Variants in CDH13 observed in about 807,000 individuals in gnomAD.
CDH13 encodes cadherin 13, also known as cadherin-13.
A neutral mutation model predicts 63.8 loss-of-function variants in CDH13; 24 were observed. That is an observed-to-expected ratio of 0.38 (90% CI 0.27 to 0.53). The LOEUF is 0.53. Among genes scored for constraint, CDH13 ranks in the 20% least tolerant of loss-of-function variants. The pLI, the probability that CDH13 is intolerant of heterozygous loss-of-function variation, is 0.85. For missense variants in CDH13, 1,049 were observed against 903.1 expected (o/e 1.16, Z -2.07); for synonymous variants, 503 against 355.3 (o/e 1.42, Z -4.67).
chr16:82,979,744 C>T (rs942638833), intron 2 of CDH13, among the ~76,000 whole-genome samples: 1 of 152,138 alleles, frequency 6.6e-6, no homozygotes, highest in South Asian at 2.1e-4. Context: ...AATGCACAGA[C>T]CAACAAGGAG....
intron 6 of CDH13, among the ~76,000 whole-genome samples, chr16:83,415,157 A>G (rs573011520): frequency 6.6e-6 from 1 of 152,086 alleles, no homozygotes; most frequent in African/African-American, 2.4e-5. Flanking sequence ...AAAAAAATGA[A>G]AAAAAAACCT....
At chr16:83,080,871 G>GGTTTTTTTTTTTTTTTTT (rs2033183201) in intron 3 of CDH13, among the ~76,000 whole-genome samples, 1 of 46,956 alleles carries the variant, frequency 2.1e-5, no homozygotes, top group African/African-American at 9.2e-5. Flanking sequence ...TTGTTTTTGT[G>GGTTTTTTTTTTTTTTTTT]TTTTTTTTTT....
chr16:82,688,047 C>T (rs1915260934), intron 1 of CDH13, among the ~76,000 whole-genome samples: 2 of 152,158 alleles, frequency 1.3e-5, no homozygotes, highest in Admixed American at 1.3e-4. Flanking sequence ...AGCAATGGTT[C>T]AAGTGCAGAA....
rs550127168 is a variant in CDH13 at position 82,632,243 on chromosome 16, A to G, written c.45+5106A>G. Among the ~76,000 whole-genome samples, 32 of 152,094 alleles carry G rather than the reference A, an allele frequency of 2.1e-4. No individual in the cohort carries two copies. In the South Asian group the frequency reaches 6.4e-3, roughly 31 times the overall value. On this transcript the variant is annotated intron_variant, in intron 1 of 13. Coordinates refer to ENST00000567109, the MANE Select transcript of CDH13 (RefSeq NM_001257.5). ...GCCTGCTTGCCCCTAGGGCTTTTTG[A>G]GTTTGGGACCTCTGCTTTCACAAAT...
chr16:83,144,722 G>C (rs572703984), intron 4 of CDH13, among the ~76,000 whole-genome samples: 1 of 152,294 alleles, frequency 6.6e-6, no homozygotes, highest in South Asian at 2.1e-4. Flanking sequence ...AATCACATAA[G>C]AGTCCAACTG....
At chr16:83,450,479 C>G (rs765448202) in intron 6 of CDH13, among the ~76,000 whole-genome samples, 1 of 152,152 alleles carries the variant, frequency 6.6e-6, no homozygotes, top group Non-Finnish European at 1.5e-5. Context: ...TGATTCATTA[C>G]CAGGATTTTG....
intron 6 of CDH13, among the ~76,000 whole-genome samples, chr16:83,451,046 C>T (rs139585146): frequency 1.1e-3 from 165 of 152,246 alleles, no homozygotes; most frequent in African/African-American, 3.5e-3. Flanking sequence ...TTTTAATAAG[C>T]GCCCCCAGTG....
chr16:83,445,146 A>G (rs1185716823), intron 6 of CDH13, among the ~76,000 whole-genome samples: 1 of 151,930 alleles, frequency 6.6e-6, no homozygotes, highest in Non-Finnish European at 1.5e-5. Flanking sequence ...CATGCCAGCT[A>G]CTACTCTCTC....
At chr16:83,299,217 C>G (rs951547146) in intron 5 of CDH13, among the ~76,000 whole-genome samples, 1 of 151,368 alleles carries the variant, frequency 6.6e-6, no homozygotes, top group Admixed American at 6.6e-5. Context: ...GGAGAAGATA[C>G]CACAGTGTGG....
At chr16:83,700,157 G>A (rs1469065463) in intron 10 of CDH13, among the ~76,000 whole-genome samples, 1 of 152,138 alleles carries the variant, frequency 6.6e-6, no homozygotes, top group Non-Finnish European at 1.5e-5. Context: ...ATTTTGTAGA[G>A]CTTCATATAA....
chr16:83,050,795 C>T (rs1305542245), intron 3 of CDH13, among the ~76,000 whole-genome samples: 1 of 152,000 alleles, frequency 6.6e-6, no homozygotes, highest in African/African-American at 2.4e-5. Flanking sequence ...AACACCTGTA[C>T]CTCATTACCT....
chr16:82,793,874 A>G (rs1252197554), intron 1 of CDH13, among the ~76,000 whole-genome samples: 1 of 152,206 alleles, frequency 6.6e-6, no homozygotes, highest in East Asian at 1.9e-4. Context: ...CCTTGCAGTT[A>G]GAAAAATATG....
intron 1 of CDH13, among the ~76,000 whole-genome samples, chr16:82,738,131 T>C (rs2033768471): frequency 6.6e-6 from 1 of 152,240 alleles, no homozygotes; most frequent in Non-Finnish European, 1.5e-5. Context: ...CATGACAGTC[T>C]GTCCTCTGAG....
chr16:82,655,115 A>G (rs942561064), intron 1 of CDH13, among the ~76,000 whole-genome samples: 20 of 152,336 alleles, frequency 1.3e-4, no homozygotes, highest in African/African-American at 4.6e-4. Context: ...TCATCTGTTC[A>G]TACATTCATT....
intron 5 of CDH13, among the ~76,000 whole-genome samples, chr16:83,229,805 A>T (rs1454796102): frequency 6.6e-6 from 1 of 152,182 alleles, no homozygotes; most frequent in Non-Finnish European, 1.5e-5. Context: ...TTAACTCAGG[A>T]ATCCTCGTTC....
intron 6 of CDH13, among the ~76,000 whole-genome samples, chr16:83,478,066 A>C (rs2073653617): frequency 6.6e-6 from 1 of 151,812 alleles, no homozygotes; most frequent in African/African-American, 2.4e-5. Flanking sequence ...TGCTTGAGGC[A>C]GAAGAATGGC....
intron 5 of CDH13, among the ~76,000 whole-genome samples, chr16:83,287,749 C>G (rs2089356269): frequency 6.6e-6 from 1 of 152,012 alleles, no homozygotes; most frequent in African/African-American, 2.4e-5. Context: ...TGAATCATCC[C>G]CAAGTCATCC....
At chr16:83,133,255 G>A (rs1267074275) in intron 4 of CDH13, among the ~76,000 whole-genome samples, 1 of 152,170 alleles carries the variant, frequency 6.6e-6, no homozygotes, top group Non-Finnish European at 1.5e-5. Context: ...TCCACACTGA[G>A]ATGTTTTGTA....
At chr16:83,624,705 G>A (rs550383998) in intron 8 of CDH13, among the ~76,000 whole-genome samples, 2 of 152,196 alleles carry the variant, frequency 1.3e-5, no homozygotes, top group African/African-American at 4.8e-5. Flanking sequence ...GGGGACCCTT[G>A]CCCTAGATCA....
Sources: gnomAD v4.1 joint callset for allele counts (sites outside exome capture counted in the v4.1 genomes callset) on GRCh38, gnomAD v4.1.1 for gene constraint, MANE v1.5 for transcripts, NCBI Gene and HGNC (gene_info 2026-07-23, HGNC 2026-07-21) for gene names.